The following PTCHD4 variants were observed in gnomAD, a reference collection of about 807,000 sequenced individuals.
PTCHD4 encodes patched domain containing 4, also known as patched domain-containing protein 4.
PTCHD4 carries 33 observed loss-of-function variants against 58.1 expected under a neutral mutation model. The observed-to-expected ratio is 0.57, with a 90% CI of 0.43 to 0.76. PTCHD4 has a LOEUF of 0.76. Ranked by LOEUF, PTCHD4 falls within the 30% of genes least tolerant of loss-of-function variation. The pLI, the probability that PTCHD4 is intolerant of heterozygous loss-of-function variation, is 0.00. For synonymous variants in PTCHD4, 478 were observed against 409.6 expected (o/e 1.17, Z -2.02); for missense variants, 1,058 against 1,027.1 (o/e 1.03, Z -0.41).
At chr6:47,975,935 C>T (rs548186528) in intron 4 of PTCHD4, among the ~76,000 whole-genome samples, 2 of 152,324 alleles carry the variant, frequency 1.3e-5, no homozygotes, top group South Asian at 4.1e-4. Flanking sequence ...GATCCCATTT[C>T]TGCCCCTTTT....
chr6:48,058,213 C>T (rs981415883), intron 3 of PTCHD4, among the ~76,000 whole-genome samples: 3 of 152,340 alleles, frequency 2.0e-5, no homozygotes, highest in Non-Finnish European at 1.5e-5. Flanking sequence ...TAAGTGGAAT[C>T]GGAATCAACT....
intron 4 of PTCHD4, among the ~76,000 whole-genome samples, chr6:47,945,340 C>T (rs1262328796): frequency 6.6e-6 from 1 of 152,088 alleles, no homozygotes; most frequent in Non-Finnish European, 1.5e-5. Flanking sequence ...GTATAACATA[C>T]TTGTTTATTT....
At chr6:47,965,779 T>C (rs1767265213) in intron 4 of PTCHD4, among the ~76,000 whole-genome samples, 1 of 151,586 alleles carries the variant, frequency 6.6e-6, no homozygotes, top group African/African-American at 2.4e-5. Context: ...CTACAAAAAA[T>C]TGGTGGGCGC....
chr6:47,967,947 C>T (rs1234061066), intron 4 of PTCHD4, among the ~76,000 whole-genome samples: 2 of 152,164 alleles, frequency 1.3e-5, no homozygotes, highest in African/African-American at 4.8e-5. Context: ...ACTGTCTTGT[C>T]ATTCATGAAG....
chr6:47,864,333 T>A lies in PTCHD4; in HGVS notation c.*13970A>T, dbSNP rs373039878. Among the ~76,000 whole-genome samples, 1 of 123,304 alleles carries A rather than the reference T, an allele frequency of 8.1e-6. No homozygotes were observed. The highest frequency in any genetic ancestry group is 1.8e-5 in the Non-Finnish European group (1 of 56,026). 80.9% of individuals were successfully genotyped at this position (123,304 alleles called of 152,430 possible). A position where few individuals can be genotyped will look rare whatever the true frequency, so the allele number is the denominator to read the frequency against. On this transcript the variant is annotated 3_prime_UTR_variant, in exon 5 of 5. Transcript: ENST00000339488. ...ATATATATACACACACACACACATA[T>A]ATATATATGGCTATTTCACCTACTA...
intron 4 of PTCHD4, among the ~76,000 whole-genome samples, chr6:47,959,225 C>T (rs1039715467): frequency 2.6e-5 from 4 of 152,026 alleles, no homozygotes; most frequent in Admixed American, 2.6e-4. Context: ...GTTAAACAGA[C>T]ATGATGTACA....
chr6:48,008,878 G>A lies in PTCHD4; in HGVS notation c.654C>T (p.Ser218=). 1 of 1,614,026 alleles carries A rather than the reference G, an allele frequency of 6.2e-7. No individual in the cohort carries two copies. ...ELQLYSLASF[S]LWRDFHKTSI... is the part of the protein sequence containing the mutation. ...TGGTCTTATGAAAGTCCCTCCAGAG[G>A]CTAAAGGATGCTAAAGAGTAGAGCT... Residue 218 remains serine (S), a synonymous_variant, in exon 4 of 5, where the codon AGC becomes AGT. Coordinates refer to ENST00000339488, the MANE Select transcript of PTCHD4 (RefSeq NM_001384253.1).
At chr6:47,905,905 C>T (rs1764866456) in intron 4 of PTCHD4, among the ~76,000 whole-genome samples, 1 of 152,214 alleles carries the variant, frequency 6.6e-6, no homozygotes, top group Non-Finnish European at 1.5e-5. Context: ...GACAGCTTGC[C>T]AGTACAACTG....
chr6:48,070,373 C>G (rs910315678), intron 1 of PTCHD4, among the ~76,000 whole-genome samples: 1 of 152,054 alleles, frequency 6.6e-6, no homozygotes, highest in African/African-American at 2.4e-5. Context: ...AGCTAAAGGA[C>G]TCCTTGTCAT....
intron 3 of PTCHD4, among the ~76,000 whole-genome samples, chr6:48,048,617 A>G (rs956923821): frequency 5.9e-5 from 9 of 151,820 alleles, no homozygotes; most frequent in African/African-American, 2.2e-4. Flanking sequence ...TGTGCCAGTG[A>G]CTAGGTTTTG....
At chr6:47,999,198 A>G (rs1050325721) in intron 4 of PTCHD4, among the ~76,000 whole-genome samples, 3 of 152,234 alleles carry the variant, frequency 2.0e-5, no homozygotes, top group African/African-American at 7.2e-5. Flanking sequence ...AGAGAGTAAG[A>G]TGAAGGAGGC....
intron 3 of PTCHD4, among the ~76,000 whole-genome samples, chr6:48,064,625 C>A (rs1030193840): frequency 2.6e-5 from 4 of 151,876 alleles, no homozygotes; most frequent in Admixed American, 6.6e-5. Context: ...ACAAAGAATA[C>A]CTTTATAATA....
At chr6:48,071,298 G>A (rs1327444219) in intron 1 of PTCHD4, among the ~76,000 whole-genome samples, 2 of 152,022 alleles carry the variant, frequency 1.3e-5, no homozygotes, top group Admixed American at 1.3e-4. Flanking sequence ...AATAATGTAT[G>A]GTATATACCT....
At chr6:47,946,137 T>C (rs747957505) in intron 4 of PTCHD4, among the ~76,000 whole-genome samples, 25 of 152,060 alleles carry the variant, frequency 1.6e-4, no homozygotes, top group Non-Finnish European at 2.2e-4. Context: ...TCATAGTCAA[T>C]TTCCATCAAT....
rs1272521855 is a variant in PTCHD4, at chr6:47,955,844, C to T, written c.898+52790G>A. Among the ~76,000 whole-genome samples, 4 of 152,170 alleles carry T rather than the reference C, an allele frequency of 2.6e-5. No homozygotes were observed. In the East Asian group the frequency reaches 5.8e-4, roughly 22 times the overall value. The stretch of plus-strand genomic sequence containing the variant: ...ATTTAGGAGTATAGTAAGAGATAAG[C>T]CTGGATTTGAGGGCAGGAGGCCTGT... On this transcript the variant is annotated intron_variant, in intron 4 of 4. Transcript: ENST00000339488.
At chr6:48,008,500 C>G (rs1252062231) in intron 4 of PTCHD4, 134 bp downstream of exon 4, 2 of 1,042,690 alleles carry the variant, frequency 1.9e-6, no homozygotes, top group African/African-American at 3.2e-5. Flanking sequence ...AGACACAACC[C>G]CAAGTAAAAT....
At chr6:48,063,126 A>G (rs1582097805) in intron 3 of PTCHD4, among the ~76,000 whole-genome samples, 1 of 152,236 alleles carries the variant, frequency 6.6e-6, no homozygotes, top group African/African-American at 2.4e-5. Context: ...CTTCTTTGGC[A>G]CATAAGCCAC....
chr6:48,065,975 C>G (rs1444558097), intron 3 of PTCHD4, among the ~76,000 whole-genome samples: 2 of 152,152 alleles, frequency 1.3e-5, no homozygotes, highest in African/African-American at 2.4e-5. Context: ...TATCAACCAC[C>G]AAACAGCATA....
chr6:48,059,007 C>T (rs1441299132), intron 3 of PTCHD4, among the ~76,000 whole-genome samples: 6 of 152,240 alleles, frequency 3.9e-5, no homozygotes, highest in Admixed American at 2.6e-4. Context: ...CCCTGTCTTC[C>T]GGATAAGGGC....
Sources: gnomAD v4.1 joint callset for allele counts (sites outside exome capture counted in the v4.1 genomes callset) on GRCh38, gnomAD v4.1.1 for gene constraint, MANE v1.5 for transcripts, NCBI Gene and HGNC (gene_info 2026-07-23, HGNC 2026-07-21) for gene names.